ENPP6: variants seen among roughly 807,000 people sequenced by gnomAD.
ENPP6 encodes the protein ectonucleotide pyrophosphatase/phosphodiesterase 6, also known as glycerophosphocholine cholinephosphodiesterase ENPP6.
In ENPP6, 32 loss-of-function variants were observed where a neutral mutation model predicts 42.0. The ratio of observed to expected loss-of-function variants is 0.76; its 90% CI spans 0.58 to 1.02. The LOEUF (loss-of-function observed/expected upper bound fraction) is 1.02, where lower values mean the gene tolerates loss of function less well. ENPP6 is among the 50% of genes least tolerant of loss of function. The pLI, the probability that ENPP6 is intolerant of heterozygous loss-of-function variation, is 0.00. For synonymous variants in ENPP6, 213 were observed against 216.0 expected, an observed-to-expected ratio of 0.99 and a Z score of 0.12; for missense variants, 552 against 566.8, an observed-to-expected ratio of 0.97 and a Z score of 0.27.
rs1387522811 is a variant in ENPP6 at position 184,113,818 on chromosome 4, GGCTTCA to G, written c.856-1015_856-1010del. Among the ~76,000 whole-genome samples the G allele has an allele frequency of 8.9e-4, 135 of 151,968 alleles. 1 individual carries two copies. The highest frequency in any genetic ancestry group is 2.2e-4 in the Non-Finnish European group (15 of 67,930). On this transcript the variant is annotated intron_variant, in intron 5 of 7. Coordinates refer to ENST00000296741, the MANE Select transcript of ENPP6 (RefSeq NM_153343.4). ...AGCCTCCCAAAGTGCTAGGAATATA[GGCTTCA>G]GCCACCGAGTGTGGCCCTGTACATA...
intron 5 of ENPP6, among the ~76,000 whole-genome samples, chr4:184,113,957 TTC>T (rs1349253441): frequency 7.3e-6 from 1 of 136,372 alleles, no homozygotes; most frequent in South Asian, 2.4e-4. Flanking sequence ...CTTTCTTTCT[TTC>T]TTTCTCTCTT....
At chr4:184,091,524 T>C (rs1735800731) in intron 7 of ENPP6, 142 bp from the exon 8 acceptor site, 1 of 731,200 alleles carries the variant, frequency 1.4e-6, no homozygotes, top group Non-Finnish European at 2.2e-6. Context: ...TGTGGCCTAG[T>C]GAGTGTGAAC....
intron 2 of ENPP6, among the ~76,000 whole-genome samples, chr4:184,150,450 G>A (rs1737006498): frequency 1.3e-5 from 2 of 152,016 alleles, no homozygotes; most frequent in African/African-American, 4.8e-5. Context: ...AGGAAGAGGA[G>A]GATTTAAGAA....
chr4:184,215,902 T>C (rs1579672458), intron 1 of ENPP6, among the ~76,000 whole-genome samples: 3 of 152,138 alleles, frequency 2.0e-5, no homozygotes, highest in African/African-American at 7.2e-5. Flanking sequence ...TGACGGAGGC[T>C]GTGTGCAAAT....
intron 1 of ENPP6, among the ~76,000 whole-genome samples, chr4:184,209,134 GA>G (rs1310078009): frequency 6.6e-6 from 1 of 151,062 alleles, no homozygotes; most frequent in African/African-American, 2.4e-5. Context: ...CAAAGATGGG[GA>G]AAAAACAGAA....
intron 7 of ENPP6, among the ~76,000 whole-genome samples, chr4:184,095,323 A>G (rs1735881622): frequency 6.6e-6 from 1 of 152,050 alleles, no homozygotes; most frequent in Non-Finnish European, 1.5e-5. Flanking sequence ...GACCTTGTTT[A>G]AAATTTGGGG....
chr4:184,147,008 G>A (rs1225846179), intron 2 of ENPP6, among the ~76,000 whole-genome samples: 1 of 152,082 alleles, frequency 6.6e-6, no homozygotes, highest in Non-Finnish European at 1.5e-5. Flanking sequence ...ATTGAGTCAC[G>A]TCTTTGTATC....
chr4:184,130,457 C>T (rs1736581498), intron 2 of ENPP6, among the ~76,000 whole-genome samples: 1 of 91,338 alleles, frequency 1.1e-5, no homozygotes, highest in African/African-American at 4.1e-5. Flanking sequence ...ACTCGGGAGG[C>T]TGAGGCAGGA....
At chr4:184,145,530 A>G (rs1200698316) in intron 2 of ENPP6, among the ~76,000 whole-genome samples, 3 of 152,156 alleles carry the variant, frequency 2.0e-5, no homozygotes, top group African/African-American at 7.2e-5. Context: ...TGATGCGATT[A>G]TTTTTGACAC....
At chr4:184,093,479 A>G (rs1474863003) in intron 7 of ENPP6, among the ~76,000 whole-genome samples, 1 of 151,666 alleles carries the variant, frequency 6.6e-6, no homozygotes, top group African/African-American at 2.4e-5. Flanking sequence ...TCTCTACAAA[A>G]TTTACAAAAA....
intron 7 of ENPP6, among the ~76,000 whole-genome samples, chr4:184,093,496 G>A (rs891545606): frequency 3.3e-5 from 5 of 151,834 alleles, no homozygotes; most frequent in Admixed American, 6.6e-5. Flanking sequence ...AAAATTAGCT[G>A]GGTGTGGTGG....
chr4:184,151,482 G>T (rs1178110345), intron 2 of ENPP6, among the ~76,000 whole-genome samples: 1 of 152,236 alleles, frequency 6.6e-6, no homozygotes, highest in East Asian at 1.9e-4. Context: ...CCCTCTCCAG[G>T]AGATCTTATG....
intron 2 of ENPP6, among the ~76,000 whole-genome samples, chr4:184,134,353 T>C (rs1363943231): frequency 6.6e-6 from 1 of 152,194 alleles, no homozygotes; most frequent in Non-Finnish European, 1.5e-5. Context: ...GTTTGAAAAC[T>C]TCACTAGTGG....
intron 3 of ENPP6, among the ~76,000 whole-genome samples, chr4:184,122,945 C>T (rs529456803): frequency 2.0e-5 from 3 of 152,334 alleles, no homozygotes; most frequent in South Asian, 2.1e-4. Context: ...AACTAGACTG[C>T]AGCGCAATAT....
intron 2 of ENPP6, among the ~76,000 whole-genome samples, chr4:184,142,053 A>G (rs1349038621): frequency 6.6e-6 from 1 of 152,130 alleles, no homozygotes. Context: ...GGAGAGGTGA[A>G]CCTCCCAAGG....
chr4:184,105,148 G>A (rs1736067749), intron 6 of ENPP6, among the ~76,000 whole-genome samples: 2 of 152,110 alleles, frequency 1.3e-5, no homozygotes, highest in African/African-American at 4.8e-5. Flanking sequence ...TGGAAGAATT[G>A]TTTTCACAAC....
At chr4:184,163,062 A>C (rs570418339) in intron 1 of ENPP6, among the ~76,000 whole-genome samples, 1 of 152,332 alleles carries the variant, frequency 6.6e-6, no homozygotes, top group South Asian at 2.1e-4. Context: ...GAGGGCAGAC[A>C]GGCAAACAGA....
intron 6 of ENPP6, among the ~76,000 whole-genome samples, chr4:184,098,584 C>T (rs1735949554): frequency 6.6e-6 from 1 of 152,180 alleles, no homozygotes; most frequent in African/African-American, 2.4e-5. Context: ...CTTGTCCAGG[C>T]TTCACAGACC....
intron 6 of ENPP6, among the ~76,000 whole-genome samples, chr4:184,108,753 C>G (rs1736146166): frequency 6.6e-6 from 1 of 152,148 alleles, no homozygotes; most frequent in Non-Finnish European, 1.5e-5. Flanking sequence ...CAGTGTCTCT[C>G]AGGACTCAGG....
Sources: gnomAD v4.1 joint callset for allele counts (sites outside exome capture counted in the v4.1 genomes callset) on GRCh38, gnomAD v4.1.1 for gene constraint, MANE v1.5 for transcripts, NCBI Gene and HGNC (gene_info 2026-07-23, HGNC 2026-07-21) for gene names.